TMEM178B: variants seen among roughly 807,000 people sequenced by gnomAD.
TMEM178B encodes transmembrane protein 178B.
In TMEM178B, 5 loss-of-function variants were observed where a neutral mutation model predicts 31.0. The observed-to-expected ratio is 0.16, with a 90% CI of 0.08 to 0.34. The LOEUF (loss-of-function observed/expected upper bound fraction) is 0.34. TMEM178B is among the 10% of genes least tolerant of loss of function. TMEM178B has a pLI of 1.00. For missense variants in TMEM178B, 275 were observed against 400.3 expected (o/e 0.69, Z 2.67); for synonymous variants, 164 against 164.0 (o/e 1.00, Z 0.00).
intron 1 of TMEM178B, among the ~76,000 whole-genome samples, chr7:141,087,257 GT>G (rs1449908082): frequency 2.6e-5 from 4 of 152,174 alleles, no homozygotes; most frequent in African/African-American, 9.7e-5. Flanking sequence ...CTAACCAACA[GT>G]TTTCCTTGAA....
chr7:141,085,428 G>T (rs768757747), intron 1 of TMEM178B, among the ~76,000 whole-genome samples: 36 of 152,116 alleles, frequency 2.4e-4, no homozygotes, highest in Non-Finnish European at 3.1e-4. Flanking sequence ...TGACAGATTT[G>T]CTGCTTTTAT....
At chr7:141,329,038 A>G (rs376959264) in intron 2 of TMEM178B, among the ~76,000 whole-genome samples, 38 of 152,234 alleles carry the variant, frequency 2.5e-4, no homozygotes, top group African/African-American at 8.4e-4. Context: ...TAATGTCTTT[A>G]GATCAATTGC....
chr7:141,197,999 T>C (rs934847474), intron 1 of TMEM178B, among the ~76,000 whole-genome samples: 1 of 152,226 alleles, frequency 6.6e-6, no homozygotes, highest in Admixed American at 6.5e-5. Context: ...ATCATCTGAA[T>C]TGTGTTTCTC....
At chr7:141,079,139 T>G (rs146782109) in intron 1 of TMEM178B, among the ~76,000 whole-genome samples, 30 of 152,002 alleles carry the variant, frequency 2.0e-4, no homozygotes, top group Non-Finnish European at 4.1e-4. Context: ...ATACAAAAAT[T>G]AGCTGGGCAT....
intron 2 of TMEM178B, among the ~76,000 whole-genome samples, chr7:141,223,627 G>T (rs984260749): frequency 6.6e-6 from 1 of 152,088 alleles, no homozygotes; most frequent in Non-Finnish European, 1.5e-5. Context: ...CTGAGCTAGA[G>T]TTCTGGGAGT....
rs1200618576 is a variant in TMEM178B, at chr7:141,472,149, T to A, written c.*1363T>A. ...CATTATAGAAGCTGTCCTTTGTCAC[T>A]GGACATCTCCCCTTTCCCTAGGGGT... On this transcript the variant is annotated 3_prime_UTR_variant, in exon 4 of 4. Coordinates refer to ENST00000565468, the MANE Select transcript of TMEM178B (RefSeq NM_001195278.2). 6.6e-6 allele frequency: 1 copy of A among 152,158 alleles called. No homozygotes were observed. Among genetic ancestry groups the A allele is most frequent in the African/African-American group, 2.4e-5 (1 of 41,416 alleles). The allele number at this position is 152,158 out of a possible 1,614,324, so 9.4% of individuals were successfully genotyped here. A position where few individuals can be genotyped will look rare whatever the true frequency, so the allele number is the denominator to read the frequency against.
At chr7:141,337,998 C>T (rs1014720337) in intron 2 of TMEM178B, among the ~76,000 whole-genome samples, 8 of 152,050 alleles carry the variant, frequency 5.3e-5, no homozygotes, top group East Asian at 1.9e-4. Context: ...TCACCACGCC[C>T]GGCTAATTTT....
chr7:141,394,886 T>G lies in TMEM178B; in HGVS notation c.497-42722T>G, dbSNP rs376094889. Among the ~76,000 whole-genome samples the G allele has an allele frequency of 1.5e-4, 23 of 152,374 alleles. No homozygotes were observed. The East Asian group carries it at 3.9e-3, about 26-fold the overall frequency. On this transcript the variant is annotated intron_variant, in intron 2 of 3. Transcript: ENST00000565468. ...TTTTGCCTCACTACTCTGAATGTCT[T>G]CCAGCATACAAGCCTGCTTTAAAGT...
intron 2 of TMEM178B, among the ~76,000 whole-genome samples, chr7:141,380,591 A>G (rs1418316324): frequency 1.3e-5 from 2 of 152,184 alleles, no homozygotes; most frequent in Non-Finnish European, 2.9e-5. Context: ...ACTTGGGGAA[A>G]AAAGAATTCT....
chr7:141,211,089 C>T (rs1797045614), intron 1 of TMEM178B, among the ~76,000 whole-genome samples: 1 of 152,018 alleles, frequency 6.6e-6, no homozygotes, highest in Non-Finnish European at 1.5e-5. Context: ...GGCTGGTAGA[C>T]TCCTTTTTCA....
rs1346585123 is a variant in TMEM178B at position 141,472,707 on chromosome 7, T to C, written c.*1921T>C. ...TCATTTACACGTCTTCCAACCCATC[T>C]TCCTACCACTCTCCTCCTTTTCTCA... On this transcript the variant is annotated 3_prime_UTR_variant, in exon 4 of 4. Transcript: ENST00000565468. 1 of 152,294 alleles carries C rather than the reference T, an allele frequency of 6.6e-6. No individual in the cohort carries two copies. The highest frequency in any genetic ancestry group is 1.5e-5 in the Non-Finnish European group (1 of 68,072). 9.4% of individuals were successfully genotyped at this position (152,294 alleles called of 1,614,324 possible).
At chr7:141,373,717 A>G (rs1270479974) in intron 2 of TMEM178B, among the ~76,000 whole-genome samples, 1 of 152,172 alleles carries the variant, frequency 6.6e-6, no homozygotes, top group Non-Finnish European at 1.5e-5. Flanking sequence ...GGCAGCCTCC[A>G]CTGAGCCTAC....
At chr7:141,502,078 C>T in the TMEM178B span, among the ~76,000 whole-genome samples, 1 of 152,136 alleles carries the variant, frequency 6.6e-6, no homozygotes, top group African/African-American at 2.4e-5. Flanking sequence ...CCCTTCCCAT[C>T]TTCCCCCAAA....
intron 2 of TMEM178B, among the ~76,000 whole-genome samples, chr7:141,291,648 G>C (rs979142396): frequency 3.3e-5 from 5 of 152,144 alleles, no homozygotes; most frequent in Admixed American, 3.3e-4. Context: ...CATCCACCAA[G>C]ACAGTAGCAA....
At chr7:141,266,189 C>T (rs1288997001) in intron 2 of TMEM178B, among the ~76,000 whole-genome samples, 2 of 152,246 alleles carry the variant, frequency 1.3e-5, no homozygotes, top group Non-Finnish European at 2.9e-5. Flanking sequence ...AAGCCTTGAG[C>T]AGCCCCTCTT....
At chr7:141,278,597 T>TA in intron 2 of TMEM178B, among the ~76,000 whole-genome samples, 1 of 151,710 alleles carries the variant, frequency 6.6e-6, no homozygotes, top group African/African-American at 2.4e-5. Flanking sequence ...AAATAAAAAA[T>TA]AAAAAAATAA....
intron 2 of TMEM178B, among the ~76,000 whole-genome samples, chr7:141,324,490 G>A (rs79163898): frequency 7.8e-6 from 1 of 128,950 alleles, no homozygotes; most frequent in East Asian, 2.5e-4. Flanking sequence ...CATTAACTGA[G>A]ATGGAGATAA....
chr7:141,418,575 A>C (rs11764939), intron 2 of TMEM178B, among the ~76,000 whole-genome samples: 54,503 of 151,914 alleles, frequency 0.36, 10,314 homozygotes, highest in African/African-American at 0.46. Flanking sequence ...GGTGACCCTT[A>C]TGCTAGGTTT....
chr7:141,178,614 C>T (rs986050869), intron 1 of TMEM178B, among the ~76,000 whole-genome samples: 11 of 152,126 alleles, frequency 7.2e-5, no homozygotes, highest in East Asian at 1.9e-4. Context: ...TAAAGTGATA[C>T]GTTGGTGATA....
Sources: gnomAD v4.1 joint callset for allele counts (sites outside exome capture counted in the v4.1 genomes callset) on GRCh38, gnomAD v4.1.1 for gene constraint, MANE v1.5 for transcripts, NCBI Gene and HGNC (gene_info 2026-07-23, HGNC 2026-07-21) for gene names.